Variants in IZUMO2 observed in about 807,000 individuals in gnomAD.
The protein encoded by IZUMO2 is izumo sperm-egg fusion protein 2.
Under a neutral mutation model 31.2 loss-of-function variants are expected in IZUMO2, and 24 were observed. The observed-to-expected ratio is 0.77, with a 90% confidence interval of 0.56 to 1.08. The LOEUF is 1.08. Among genes scored for constraint, IZUMO2 ranks in the 50% least tolerant of loss-of-function variants. The probability of loss-of-function intolerance (pLI) is 0.00; values close to 1 mark genes in which losing one functional copy is unlikely to be tolerated. For missense variants in IZUMO2, 278 were observed against 274.0 expected (o/e 1.01, Z -0.10); for synonymous variants, 144 against 117.3 (o/e 1.23, Z -1.47).
At chr19:50,153,851 C>G (rs1232509207) in intron 6 of IZUMO2, 1 of 151,338 alleles carries the variant, frequency 6.6e-6, no homozygotes, top group Non-Finnish European at 1.5e-5. Context: ...TCAGTTATCA[C>G]CACCCCCGCC....
At chr19:50,157,305 T>A (rs1033149394) in intron 5 of IZUMO2, among the ~76,000 whole-genome samples, 1 of 138,006 alleles carries the variant, frequency 7.2e-6, no homozygotes, top group Non-Finnish European at 1.5e-5. Context: ...CATTATACTT[T>A]TTTTTTTTTT....
chr19:50,159,518 C>T lies in IZUMO2; in HGVS notation c.370G>A (p.Val124Ile). The change falls in exon 3 of 7, where the codon GTT becomes ATT. Residue 124 changes from valine to isoleucine, a missense_variant. Coordinates refer to ENST00000293405, the MANE Select transcript of IZUMO2 (RefSeq NM_152358.3). ...RANVIKEFKK[V>I]LISYELKACN... ...CCTTTTAATTCATATGAAATTAAAA[C>T]TTTCTTGAATTCCTTGATCACATTC... is the stretch of plus-strand genomic sequence containing the variant. 1.2e-6 allele frequency: 2 copies of T among 1,612,506 alleles called. No homozygotes were observed. Among genetic ancestry groups the T allele is most frequent in the Non-Finnish European group, 1.7e-6 (2 of 1,178,594 alleles).
At chr19:50,154,286 T>G (rs1196283389) in intron 6 of IZUMO2, among the ~76,000 whole-genome samples, 62 of 141,512 alleles carry the variant, frequency 4.4e-4, no homozygotes, top group South Asian at 2.9e-3. Flanking sequence ...TTTTTTTTTT[T>G]TTTTTTTTTT....
intron 3 of IZUMO2, 119 bp downstream of exon 3, chr19:50,159,375 G>C: frequency 7.9e-7 from 1 of 1,261,564 alleles, no homozygotes; most frequent in Non-Finnish European, 1.1e-6. Flanking sequence ...ATTGGGGAGA[G>C]ATGAAGAAGG....
At chr19:50,157,024 G>A (rs982848097) in intron 5 of IZUMO2, among the ~76,000 whole-genome samples, 6 of 152,178 alleles carry the variant, frequency 3.9e-5, no homozygotes, top group Non-Finnish European at 7.3e-5. Flanking sequence ...AGAGGTACAT[G>A]CTATGTATGG....
intron 2 of IZUMO2, among the ~76,000 whole-genome samples, chr19:50,161,379 C>T (rs572447099): frequency 6.6e-6 from 1 of 152,254 alleles, no homozygotes; most frequent in African/African-American, 2.4e-5. Context: ...TCCTCAGCCT[C>T]CCAAAGTGCT....
intron 6 of IZUMO2, among the ~76,000 whole-genome samples, chr19:50,154,259 T>G (rs751617785): frequency 3.2e-4 from 47 of 144,692 alleles, no homozygotes; most frequent in Non-Finnish European, 6.0e-4. Context: ...AATATAACTT[T>G]TAGCGTTTTT....
chr19:50,160,628 C>T (rs62112594), intron 2 of IZUMO2: 33,179 of 151,338 alleles, frequency 0.22, 4,100 homozygotes, highest in Non-Finnish European at 0.28. Flanking sequence ...TACAGGTGCC[C>T]GCCACCACAC....
At chr19:50,157,385 C>G (rs1568437863) in intron 5 of IZUMO2, among the ~76,000 whole-genome samples, 1 of 150,270 alleles carries the variant, frequency 6.7e-6, no homozygotes, top group African/African-American at 2.4e-5. Flanking sequence ...TCACTGCAGC[C>G]TCCACCTCCT....
chr19:50,154,827 G>A (rs1568437112), intron 5 of IZUMO2, 101 bp from the exon 6 acceptor site: 5 of 1,364,640 alleles, frequency 3.7e-6, no homozygotes, highest in East Asian at 4.7e-5. Context: ...GCAGGGGTGG[G>A]GGTGGGGCGC....
intron 5 of IZUMO2, among the ~76,000 whole-genome samples, chr19:50,156,917 A>G (rs1441332562): frequency 6.6e-6 from 1 of 152,192 alleles, no homozygotes; most frequent in Non-Finnish European, 1.5e-5. Flanking sequence ...GGAAGTTGAC[A>G]GTGGGACCTG....
Position 50,159,397 on chromosome 19 carries a change from G to A in IZUMO2, c.394+97C>T, listed in dbSNP as rs1043187966. 23 of 1,223,158 alleles carry A rather than the reference G, an allele frequency of 1.9e-5. No homozygotes were observed. In the African/African-American group the frequency reaches 3.4e-4, roughly 18 times the overall value. The allele number at this position is 1,223,158 out of a possible 1,614,324, so 75.8% of individuals were successfully genotyped here. A position where few individuals can be genotyped will look rare whatever the true frequency, so the allele number is the denominator to read the frequency against. ...AGAGATGAAGAAGGCTGAGCTATAG[G>A]GGAGGTGAAGAAGGAGTTTGGGAGA... is the stretch of plus-strand genomic sequence containing the variant. On this transcript the variant is annotated intron_variant, in intron 3 of 6. Coordinates refer to ENST00000293405, the MANE Select transcript of IZUMO2 (RefSeq NM_152358.3).
At chr19:50,157,908 T>C (rs1181086047) in intron 5 of IZUMO2, among the ~76,000 whole-genome samples, 1 of 129,578 alleles carries the variant, frequency 7.7e-6, no homozygotes, top group Non-Finnish European at 1.6e-5. Flanking sequence ...CGAGAATCCA[T>C]ATAAAAAAAA....
At chr19:50,160,393 T>TGATA (rs1341787737) in intron 2 of IZUMO2, 1 of 152,216 alleles carries the variant, frequency 6.6e-6, no homozygotes, top group African/African-American at 2.4e-5. Context: ...GCTGAAATGG[T>TGATA]GATATTTTAT....
rs1279508188 is a variant in IZUMO2 at position 50,163,101 on chromosome 19, G to A, written c.94C>T (p.Leu32=). Reference sequence around the variant, plus strand: ...ATGAGGGCGGAGCGCAGGTGACCCAGGGCCTCCAGCACCAAGGGGTCGCAC... The same window carrying A: ...ATGAGGGCGGAGCGCAGGTGACCCAAGGCCTCCAGCACCAAGGGGTCGCAC... ...LQCDPLVLEA[L]GHLRSALIPS... is the part of the protein sequence containing the mutation. Residue 32 remains leucine (L), a synonymous_variant, in exon 1 of 7, where the codon CTG becomes TTG. Coordinates refer to ENST00000293405, the MANE Select transcript of IZUMO2 (RefSeq NM_152358.3). 9.3e-6 allele frequency: 15 copies of A among 1,611,018 alleles called. No individual in the cohort carries two copies. Among genetic ancestry groups the A allele is most frequent in the Non-Finnish European group, 1.3e-5 (15 of 1,178,858 alleles).
At chr19:50,161,215 C>T (rs1476478221) in intron 2 of IZUMO2, among the ~76,000 whole-genome samples, 1 of 151,732 alleles carries the variant, frequency 6.6e-6, no homozygotes, top group South Asian at 2.1e-4. Context: ...ACCTCCGCCT[C>T]CTGGGTTCAA....
chr19:50,158,315 T>C lies in IZUMO2; in HGVS notation c.449A>G (p.His150Arg), dbSNP rs1212023074. Residue 150 changes from histidine to arginine, a missense_variant, in exon 5 of 7, where the codon CAT becomes CGT. By Grantham distance (29) the His-to-Arg change is conservative. Coordinates refer to ENST00000293405, the MANE Select transcript of IZUMO2 (RefSeq NM_152358.3). ...ACACTTGGGAGTGATCCTCTGGCAA[T>C]GTAAACAGTCCAACACCTCTTCTTT... The part of the protein sequence containing the change: ...LLKEEVLDCL[H>R]CQRITPKCIH... The C allele has an allele frequency of 6.2e-7, 1 of 1,612,288 alleles. No homozygotes were observed. The highest frequency in any genetic ancestry group is 8.5e-7 in the Non-Finnish European group (1 of 1,179,040).
intron 2 of IZUMO2, among the ~76,000 whole-genome samples, chr19:50,161,431 CT>C (rs1393464267): frequency 6.6e-6 from 1 of 152,024 alleles, no homozygotes; most frequent in African/African-American, 2.4e-5. Context: ...TGACGCCTTT[CT>C]TTTTTTTATA....
At chr19:50,153,219 C>G (rs79519066) in intron 6 of IZUMO2, among the ~76,000 whole-genome samples, 1 of 152,148 alleles carries the variant, frequency 6.6e-6, no homozygotes, top group African/African-American at 2.4e-5. Flanking sequence ...CTAAGGAATG[C>G]CAGCAGCCAC....
Sources: allele counts gnomAD v4.1 joint callset (sites outside exome capture counted in the v4.1 genomes callset), GRCh38; gene constraint gnomAD v4.1.1; transcripts MANE v1.5; gene names NCBI Gene and HGNC (gene_info 2026-07-23, HGNC 2026-07-21).